POU6F2: variants seen among roughly 807,000 people sequenced by gnomAD.
POU6F2 encodes the protein POU domain, class 6, transcription factor 2.
POU6F2 carries 31 observed loss-of-function variants against 71.3 expected under a neutral mutation model. The ratio of observed to expected loss-of-function variants is 0.43; its 90% CI spans 0.33 to 0.59. The LOEUF is 0.59. Among genes scored for constraint, POU6F2 ranks in the 20% least tolerant of loss-of-function variants. The pLI, the probability that POU6F2 is intolerant of heterozygous loss-of-function variation, is 0.04. For missense variants in POU6F2, 783 were observed against 856.8 expected (o/e 0.91, Z 1.07); for synonymous variants, 347 against 355.7 (o/e 0.98, Z 0.27).
At chr7:39,110,268 CAAAA>C (rs35337549) in intron 2 of POU6F2, among the ~76,000 whole-genome samples, 4 of 103,734 alleles carry the variant, frequency 3.9e-5, no homozygotes, top group Non-Finnish European at 7.8e-5. Context: ...AACTCCGTCT[CAAAA>C]AAAAAAAAAA....
chr7:38,992,943 G>A (rs748205641), intron 1 of POU6F2, among the ~76,000 whole-genome samples: 3 of 152,062 alleles, frequency 2.0e-5, no homozygotes, highest in Non-Finnish European at 4.4e-5. Context: ...AGCTTCATGC[G>A]TACTTACAAA....
chr7:39,339,469 A>G (rs949760873), intron 4 of POU6F2, among the ~76,000 whole-genome samples, 173 bp from the exon 5 acceptor site: 1 of 152,172 alleles, frequency 6.6e-6, no homozygotes, highest in Admixed American at 6.5e-5. Flanking sequence ...CCCAGAAGTG[A>G]CCTTTGTTCT....
chr7:39,124,416 C>G (rs1350825624), intron 2 of POU6F2, among the ~76,000 whole-genome samples: 2 of 152,074 alleles, frequency 1.3e-5, no homozygotes, highest in Non-Finnish European at 2.9e-5. Flanking sequence ...TGGTGATCAA[C>G]AACTATATTT....
intron 7 of POU6F2, among the ~76,000 whole-genome samples, chr7:39,434,130 G>A (rs926920439): frequency 1.3e-5 from 2 of 152,134 alleles, no homozygotes; most frequent in Non-Finnish European, 2.9e-5. Context: ...ATAATGGCTT[G>A]GGAATGGAGT....
intron 2 of POU6F2, among the ~76,000 whole-genome samples, chr7:39,143,811 G>A (rs1792557493): frequency 1.3e-5 from 2 of 152,336 alleles, no homozygotes; most frequent in East Asian, 1.9e-4. Flanking sequence ...AGATTGAAGA[G>A]TTTAAACATT....
intron 5 of POU6F2, among the ~76,000 whole-genome samples, chr7:39,354,966 T>C (rs1418673412): frequency 6.6e-6 from 1 of 152,204 alleles, no homozygotes; most frequent in Non-Finnish European, 1.5e-5. Flanking sequence ...GTTGCCTAAA[T>C]CCCATTTATT....
At chr7:39,144,903 G>C (rs1269060602) in intron 2 of POU6F2, among the ~76,000 whole-genome samples, 2 of 152,098 alleles carry the variant, frequency 1.3e-5, no homozygotes, top group Non-Finnish European at 1.5e-5. Context: ...ATCTATGGTA[G>C]CCTCCTTTCT....
rs1562670753 is a variant in POU6F2 at position 39,015,867 on chromosome 7, TTATA to T, written c.105+37814_105+37817del. On this transcript the variant is annotated intron_variant, in intron 1 of 9. Transcript: ENST00000518318. ...ATTATATATAGATATATATAATATATTATATATAGATATATATTATATATTATAT... is the reference window on the plus strand; with the variant it reads ...ATTATATATAGATATATATAATATATTATAGATATATATTATATATTATAT... 1.8e-3 allele frequency among the ~76,000 whole-genome samples: 126 copies of T among 69,708 alleles called. 15 individuals carry two copies. Among genetic ancestry groups the T allele is most frequent in the African/African-American group, 6.2e-3 (106 of 17,088 alleles). The allele number at this position is 69,708 out of a possible 152,430, so 45.7% of individuals were successfully genotyped here.
intron 1 of POU6F2, among the ~76,000 whole-genome samples, chr7:39,029,746 A>G (rs1789896494): frequency 6.6e-6 from 1 of 152,198 alleles, no homozygotes; most frequent in Admixed American, 6.5e-5. Flanking sequence ...TATATTTTAT[A>G]ATTGTCATGA....
intron 5 of POU6F2, among the ~76,000 whole-genome samples, chr7:39,375,624 ATT>A (rs72463292): frequency 4.1e-5 from 6 of 146,610 alleles, no homozygotes; most frequent in East Asian, 2.0e-4. Context: ...TTCCTCCTTG[ATT>A]TTTTTTTTTT....
intron 4 of POU6F2, among the ~76,000 whole-genome samples, chr7:39,334,447 A>G (rs1785722838): frequency 6.6e-6 from 1 of 152,070 alleles, no homozygotes; most frequent in South Asian, 2.1e-4. Flanking sequence ...AATTACCACT[A>G]TTATACACAA....
chr7:38,981,541 C>T (rs981476267), intron 1 of POU6F2, among the ~76,000 whole-genome samples: 6 of 152,058 alleles, frequency 3.9e-5, no homozygotes, highest in Non-Finnish European at 8.8e-5. Flanking sequence ...ACAGATGAAC[C>T]AAATTAGATG....
chr7:39,220,057 G>A (rs528052717), intron 4 of POU6F2, among the ~76,000 whole-genome samples: 1 of 152,178 alleles, frequency 6.6e-6, no homozygotes, highest in Admixed American at 6.5e-5. Context: ...TGTTTTGACA[G>A]CAGCCAAATA....
intron 1 of POU6F2, among the ~76,000 whole-genome samples, chr7:38,994,424 G>A (rs1446961181): frequency 1.4e-4 from 21 of 152,108 alleles, no homozygotes. Context: ...GGAAGAACTA[G>A]GAAAATCCAT....
chr7:39,425,922 C>T (rs951613448), intron 6 of POU6F2, among the ~76,000 whole-genome samples: 1 of 152,188 alleles, frequency 6.6e-6, no homozygotes, highest in Non-Finnish European at 1.5e-5. Context: ...TGGCTTCTTG[C>T]TTCTTGACTT....
chr7:39,157,538 T>G (rs777830334), intron 2 of POU6F2, among the ~76,000 whole-genome samples: 42 of 152,202 alleles, frequency 2.8e-4, no homozygotes, highest in Non-Finnish European at 6.0e-4. Context: ...GTATAGGGAA[T>G]TGTGAAGTGG....
intron 4 of POU6F2, among the ~76,000 whole-genome samples, chr7:39,251,327 T>G (rs1424835390): frequency 6.6e-6 from 1 of 152,170 alleles, no homozygotes; most frequent in African/African-American, 2.4e-5. Flanking sequence ...ACAGGAGATA[T>G]TTCCACTTAA....
At chr7:39,116,185 G>C (rs1791924793) in intron 2 of POU6F2, among the ~76,000 whole-genome samples, 1 of 152,132 alleles carries the variant, frequency 6.6e-6, no homozygotes, top group Non-Finnish European at 1.5e-5. Context: ...AGGAGTTCAA[G>C]ACCACCCTAG....
At chr7:39,246,905 CTT>C (rs398004470) in intron 4 of POU6F2, among the ~76,000 whole-genome samples, 153 of 78,130 alleles carry the variant, frequency 2.0e-3, no homozygotes, top group South Asian at 0.012. Context: ...TCCAGGGTGG[CTT>C]TTTTTTTTTT....
Sources: allele counts gnomAD v4.1 joint callset (sites outside exome capture counted in the v4.1 genomes callset), GRCh38; gene constraint gnomAD v4.1.1; transcripts MANE v1.5; gene names NCBI Gene and HGNC (gene_info 2026-07-23, HGNC 2026-07-21).